The following PLK4 variants were observed in gnomAD, a reference collection of about 807,000 sequenced individuals.
PLK4 encodes polo like kinase 4.
In PLK4, 51 loss-of-function variants were observed where a neutral mutation model predicts 103.0. The ratio of observed to expected loss-of-function variants is 0.50; its 90% CI spans 0.40 to 0.63. PLK4 has a LOEUF of 0.63. PLK4 is among the 20% of genes least tolerant of loss of function. The probability of loss-of-function intolerance (pLI) is 0.00; values close to 1 mark genes in which losing one functional copy is unlikely to be tolerated. For synonymous variants in PLK4, 389 were observed against 376.8 expected (o/e 1.03, Z -0.38); for missense variants, 1,054 against 1,151.0 (o/e 0.92, Z 1.22).
Position 127,886,422 on chromosome 4 carries a change from A to C in PLK4, c.1052A>C (p.Glu351Ala), listed in dbSNP as rs750479778. ...TTTTATACTCAGTGGGGAAATCAAG[A>C]AACCAGTAATAGTGGAAGGGGAAGA... ...NSFYTQWGNQ[E>A]TSNSGRGRVI... is the part of the protein sequence containing the mutation. Residue 351 changes from glutamate (E) to alanine (A), a missense_variant, in exon 5 of 16, where the codon GAA becomes GCA. Transcript: ENST00000270861. 3.7e-6 allele frequency: 6 copies of C among 1,613,988 alleles called. No individual in the cohort carries two copies. Among genetic ancestry groups the C allele is most frequent in the Non-Finnish European group, 5.1e-6 (6 of 1,179,950 alleles).
chr4:127,898,598 G>C lies in PLK4; in HGVS notation c.*57G>C, dbSNP rs1560704013. ...AAATAACTTTTTTGTTGACTTTCAA[G>C]TAAAGTGATTTTTTTTAATTTAACA... is the stretch of plus-strand genomic sequence containing the variant. On this transcript the variant is annotated 3_prime_UTR_variant, in exon 16 of 16. Coordinates refer to ENST00000270861, the MANE Select transcript of PLK4 (RefSeq NM_014264.5). 3 of 828,440 alleles carry C rather than the reference G, an allele frequency of 3.6e-6. No homozygotes were observed. Among genetic ancestry groups the C allele is most frequent in the East Asian group, 2.5e-5 (1 of 40,172 alleles). 51.3% of individuals were successfully genotyped at this position (828,440 alleles called of 1,614,324 possible).
chr4:127,884,374 G>A (rs1735039246), intron 4 of PLK4, among the ~76,000 whole-genome samples: 1 of 152,156 alleles, frequency 6.6e-6, no homozygotes, highest in Admixed American at 6.5e-5. Flanking sequence ...TGTATTTAGA[G>A]TTACGGAAAT....
chr4:127,892,688 C>A, intron 10 of PLK4, 174 bp downstream of exon 10: 1 of 504,368 alleles, frequency 2.0e-6, no homozygotes, highest in Non-Finnish European at 3.5e-6. Context: ...CAAAATTTAT[C>A]TAGCCTTCCT....
In PLK4 at chr4:127,886,369, T is replaced by C; in HGVS notation, c.999T>C (p.Asp333=). Residue 333 remains aspartate (D), a synonymous_variant, in exon 5 of 16, where the codon GAT becomes GAC. Coordinates refer to ENST00000270861, the MANE Select transcript of PLK4 (RefSeq NM_014264.5). ...TVFPKNKSST[D]FSSSGDGNSF... ...TTCCAAAGAATAAAAGTTCAACTGA[T>C]TTTTCTTCTTCAGGAGATGGAAACA... 1 of 1,613,798 alleles carries C rather than the reference T, an allele frequency of 6.2e-7. No homozygotes were observed. Among genetic ancestry groups the C allele is most frequent in the Non-Finnish European group, 8.5e-7 (1 of 1,179,902 alleles).
intron 10 of PLK4, 152 bp downstream of exon 10, chr4:127,892,666 A>G (rs1735406929): frequency 1.9e-6 from 1 of 534,292 alleles, no homozygotes; most frequent in South Asian, 2.5e-5. Flanking sequence ...ATACATGTCA[A>G]ATCATATTAA....
chr4:127,891,768 A>T (rs1408122930), intron 9 of PLK4, 87 bp downstream of exon 9: 5 of 428,386 alleles, frequency 1.2e-5, no homozygotes, highest in Non-Finnish European at 2.1e-5. Context: ...AATAAATTAT[A>T]AATAGCTTCA....
At chr4:127,883,906 T>A (rs182910143) in intron 4 of PLK4, among the ~76,000 whole-genome samples, 5 of 152,292 alleles carry the variant, frequency 3.3e-5, no homozygotes, top group African/African-American at 7.2e-5. Context: ...ATTGAAACTG[T>A]TTATTATAGA....
chr4:127,896,972 GA>G, intron 15 of PLK4, 65 bp downstream of exon 15: 1 of 783,996 alleles, frequency 1.3e-6, no homozygotes. Flanking sequence ...TCTATATGTT[GA>G]AATGGATGAT....
chr4:127,885,729 T>C lies in PLK4; in HGVS notation c.359T>C (p.Ile120Thr). Residue 120 changes from isoleucine (I) to threonine (T), a missense_variant, in exon 5 of 16, where the codon ATC (isoleucine) becomes ACC (threonine). Ile to Thr is a moderately conservative substitution (Grantham distance 89). Transcript: ENST00000270861. ...ACAGCTCGACACTTCATGCACCAGA[T>C]CATCACAGGGATGTTGTATCTTCAT... ...ENEARHFMHQ[I>T]ITGMLYLHSH... 2 of 1,611,250 alleles carry C rather than the reference T, an allele frequency of 1.2e-6. No individual in the cohort carries two copies. The highest frequency in any genetic ancestry group is 1.7e-6 in the Non-Finnish European group (2 of 1,178,544).
chr4:127,896,964 TATA>T, intron 15 of PLK4, 57 bp downstream of exon 15: 1 of 877,786 alleles, frequency 1.1e-6, no homozygotes. Context: ...TCTCTTTCTC[TATA>T]TGTTGAAATG....
At position 127,886,464 on chromosome 4, in the gene PLK4, A is replaced by G. The variant is rs771607562; in HGVS notation, c.1094A>G (p.Glu365Gly). The G allele has an allele frequency of 6.2e-7, 1 of 1,614,164 alleles. No homozygotes were observed. The highest frequency in any genetic ancestry group is 8.5e-7 in the Non-Finnish European group (1 of 1,179,980). The change falls in exon 5 of 16, where the codon GAA (glutamate) becomes GGA (glycine). Residue 365 changes from glutamate to glycine, a missense_variant. By Grantham distance (98) the Glu-to-Gly change is moderately conservative. Transcript: ENST00000270861. ...SGRGRVIQDA[E>G]ERPHSRYLRR... The stretch of plus-strand genomic sequence containing the variant: ...AGGGGAAGAGTAATTCAAGATGCAG[A>G]AGAAAGGCCACATTCTCGATACCTT...
At chr4:127,896,736 G>A (rs1735578450) in intron 14 of PLK4, 65 bp from the exon 15 acceptor site, 2 of 834,634 alleles carry the variant, frequency 2.4e-6, no homozygotes, top group African/African-American at 3.5e-5. Context: ...GTAATTTTGT[G>A]TGCTACTACT....
In PLK4 at chr4:127,895,112, A is replaced by G; in HGVS notation, c.2703+19A>G. 6.5e-7 allele frequency: 1 copy of G among 1,530,180 alleles called. No individual in the cohort carries two copies. Among genetic ancestry groups the G allele is most frequent in the Non-Finnish European group, 8.8e-7 (1 of 1,135,268 alleles). The allele number at this position is 1,530,180 out of a possible 1,614,324, so 94.8% of individuals were successfully genotyped here. On this transcript the variant is annotated intron_variant, in intron 14 of 15. Coordinates refer to ENST00000270861, the MANE Select transcript of PLK4 (RefSeq NM_014264.5). The stretch of plus-strand genomic sequence containing the variant: ...TACACAGGTGAGAAGTTTCTAGTAC[A>G]GTGCATTTTCTCAGTATGAATTTCT...
Position 127,893,339 on chromosome 4 carries a change from A to G in PLK4, c.2243A>G (p.Lys748Arg). ...ATTCAGGTGATTGAAAAGACAGGGA[A>G]GTCTTACACTTTAAAAAGTGAAAGT... ...DFIQVIEKTGKSYTLKSESEV... is the reference protein window; with the variant it reads ...DFIQVIEKTGRSYTLKSESEV... The change falls in exon 11 of 16, where the codon AAG becomes AGG. Residue 748 changes from lysine to arginine, a missense_variant. Lys to Arg is a conservative substitution (Grantham distance 26, BLOSUM62 2). Coordinates refer to ENST00000270861, the MANE Select transcript of PLK4 (RefSeq NM_014264.5). 1 of 1,601,316 alleles carries G rather than the reference A, an allele frequency of 6.2e-7. No individual in the cohort carries two copies. The highest frequency in any genetic ancestry group is 8.5e-7 in the Non-Finnish European group (1 of 1,170,346).
rs745895695 is a variant in PLK4, at chr4:127,881,088, T to G, written c.-47T>G. On this transcript the variant is annotated 5_prime_UTR_variant, in exon 1 of 16. Transcript: ENST00000270861. ...GCTTGGAGCGCTGCCTCGAAGGGAC[T>G]GCGTGAAGGAAGCTAATCCGGAGAA... 6.2e-7 allele frequency: 1 copy of G among 1,610,180 alleles called. No individual in the cohort carries two copies. The highest frequency in any genetic ancestry group is 2.2e-5 in the East Asian group (1 of 44,842).
chr4:127,890,234 G>A lies in PLK4; in HGVS notation c.1828G>A (p.Val610Met). 1 of 1,591,036 alleles carries A rather than the reference G, an allele frequency of 6.3e-7. No homozygotes were observed. Among genetic ancestry groups the A allele is most frequent in the Non-Finnish European group, 8.6e-7 (1 of 1,169,060 alleles). ...AATCAGACAGAAAACCAAAAAGGCT[G>A]TGGTATGTCTGTTATCTTCTTAAGT... Reference protein sequence around the residue: ...KPIRQKTKKAVVSILDSEEVC... With the variant: ...KPIRQKTKKAMVSILDSEEVC... The change falls in exon 7 of 16, where the codon GTG becomes ATG. Residue 610 changes from valine (V) to methionine (M), a missense_variant and splice_region_variant. Val to Met is a conservative substitution (Grantham distance 21, BLOSUM62 1). Around this residue, in one of 4 missense-constraint regions of PLK4, gnomAD observed 680 missense variants for 660.3 expected, o/e 1.03. Coordinates refer to ENST00000270861, the MANE Select transcript of PLK4 (RefSeq NM_014264.5).
chr4:127,882,831 G>A (rs1046236150), intron 2 of PLK4, among the ~76,000 whole-genome samples: 1 of 151,974 alleles, frequency 6.6e-6, no homozygotes, highest in African/African-American at 2.4e-5. Flanking sequence ...GAGGTGGGAG[G>A]ATAGATTGTG....
At chr4:127,885,606 C>A in intron 4 of PLK4, 102 bp from the exon 5 acceptor site, 1 of 876,308 alleles carries the variant, frequency 1.1e-6, no homozygotes. Context: ...TACTACAGTG[C>A]TCTAGAATAT....
rs368395763 is a variant in PLK4 at position 127,886,334 on chromosome 4, A to G, written c.964A>G (p.Met322Val). The change falls in exon 5 of 16, where the codon ATG (methionine) becomes GTG (valine). Residue 322 changes from methionine (M) to valine (V), a missense_variant. This residue lies in a region of PLK4 where 680 missense variants were observed against 660.3 expected (regional missense o/e 1.03). Coordinates refer to ENST00000270861, the MANE Select transcript of PLK4 (RefSeq NM_014264.5). ...LLIGQPLPNKMTVFPKNKSST... is the reference protein window; with the variant it reads ...LLIGQPLPNKVTVFPKNKSST... ...GATTGGTCAGCCACTCCCAAATAAAATGACTGTATTTCCAAAGAATAAAAG... is the reference window on the plus strand; with the variant it reads ...GATTGGTCAGCCACTCCCAAATAAAGTGACTGTATTTCCAAAGAATAAAAG... 8.1e-6 allele frequency: 13 copies of G among 1,613,678 alleles called. No individual in the cohort carries two copies. In the African/African-American group the frequency reaches 1.3e-4, roughly 17 times the overall value.
Sources: gnomAD v4.1 joint callset for allele counts (sites outside exome capture counted in the v4.1 genomes callset) on GRCh38, gnomAD v4.1.1 for gene constraint, gnomAD v4.1.1 regional missense constraint, MANE v1.5 for transcripts, NCBI Gene and HGNC (gene_info 2026-07-23, HGNC 2026-07-21) for gene names.